CNTN4: variants seen among roughly 807,000 people sequenced by gnomAD.
CNTN4 encodes contactin-4.
CNTN4 carries 77 observed loss-of-function variants against 122.5 expected under a neutral mutation model. The ratio of observed to expected loss-of-function variants is 0.63; its 90% CI spans 0.52 to 0.76. The LOEUF is 0.76. Among genes scored for constraint, CNTN4 ranks in the 30% least tolerant of loss-of-function variants. The probability of loss-of-function intolerance (pLI) is 0.00; values close to 1 mark genes in which losing one functional copy is unlikely to be tolerated. For missense variants in CNTN4, 1,256 were observed against 1,259.1 expected (o/e 1.00, Z 0.04); for synonymous variants, 512 against 447.0 (o/e 1.15, Z -1.83).
chr3:2,953,214 A>T (rs1476056243), intron 13 of CNTN4, among the ~76,000 whole-genome samples: 2 of 152,128 alleles, frequency 1.3e-5, no homozygotes, highest in Non-Finnish European at 2.9e-5. Flanking sequence ...CCACCATTTT[A>T]TGAATGGTGC....
intron 13 of CNTN4, among the ~76,000 whole-genome samples, chr3:2,958,979 A>G (rs2094827440): frequency 6.6e-6 from 1 of 152,228 alleles, no homozygotes; most frequent in Non-Finnish European, 1.5e-5. Context: ...TCCAGGGAAC[A>G]GAAGGGTCAG....
chr3:2,129,152 C>G (rs143385948), intron 2 of CNTN4, among the ~76,000 whole-genome samples: 42 of 151,052 alleles, frequency 2.8e-4, no homozygotes, highest in African/African-American at 1.0e-3. Context: ...ATGAAGCTAA[C>G]ATTTCCTGAG....
chr3:3,015,259 G>C (rs1559791284), intron 14 of CNTN4, among the ~76,000 whole-genome samples: 1 of 151,724 alleles, frequency 6.6e-6, no homozygotes, highest in Non-Finnish European at 1.5e-5. Flanking sequence ...TCTATTAATA[G>C]TTGCCCATTC....
intron 7 of CNTN4, among the ~76,000 whole-genome samples, chr3:2,860,375 A>G (rs533264600): frequency 6.6e-6 from 1 of 152,316 alleles, no homozygotes; most frequent in East Asian, 1.9e-4. Context: ...GATATCTGTC[A>G]TCCCTGCTCT....
chr3:2,869,669 C>T lies in CNTN4; in HGVS notation c.652+2720C>T, dbSNP rs184822705. The stretch of plus-strand genomic sequence containing the variant: ...TTCATCTGGTATATTCATATTTGTC[C>T]GCTTGCCTTCCCCACCTTGCTCACA... On this transcript the variant is annotated intron_variant, in intron 8 of 24. Transcript: ENST00000418658. Among the ~76,000 whole-genome samples, 10 of 152,188 alleles carry T rather than the reference C, an allele frequency of 6.6e-5. No individual in the cohort carries two copies. The East Asian group carries it at 1.2e-3, about 18-fold the overall frequency.
intron 3 of CNTN4, among the ~76,000 whole-genome samples, chr3:2,458,261 A>C (rs1036251101): frequency 5.9e-5 from 9 of 152,168 alleles, no homozygotes; most frequent in African/African-American, 2.2e-4. Context: ...ACAATGTATG[A>C]GTCCATTTTT....
At chr3:2,301,737 A>G (rs547870899) in intron 2 of CNTN4, among the ~76,000 whole-genome samples, 1 of 152,346 alleles carries the variant, frequency 6.6e-6, no homozygotes, top group African/African-American at 2.4e-5. Context: ...TGCCCACTCT[A>G]GTAGAGCACT....
At chr3:2,714,152 G>A (rs1401705124) in intron 4 of CNTN4, among the ~76,000 whole-genome samples, 2 of 152,122 alleles carry the variant, frequency 1.3e-5, no homozygotes, top group Non-Finnish European at 2.9e-5. Context: ...GCCAGGCAGT[G>A]TTGGGACTTT....
chr3:2,160,180 G>C (rs2035896801), intron 2 of CNTN4, among the ~76,000 whole-genome samples: 1 of 152,106 alleles, frequency 6.6e-6, no homozygotes, highest in East Asian at 1.9e-4. Flanking sequence ...GTCTCACTGT[G>C]ATCCTTTTAT....
chr3:2,424,679 C>T (rs2047748939), intron 3 of CNTN4, among the ~76,000 whole-genome samples: 1 of 152,178 alleles, frequency 6.6e-6, no homozygotes, highest in Non-Finnish European at 1.5e-5. Context: ...TACAGTCCCA[C>T]CAACAGTGTA....
intron 4 of CNTN4, among the ~76,000 whole-genome samples, chr3:2,600,772 C>G (rs538718765): frequency 6.6e-6 from 1 of 152,300 alleles, no homozygotes; most frequent in Admixed American, 6.5e-5. Flanking sequence ...TGAGGAATCT[C>G]CACACTGTCT....
At chr3:2,497,993 T>A (rs548653277) in intron 3 of CNTN4, among the ~76,000 whole-genome samples, 2 of 152,176 alleles carry the variant, frequency 1.3e-5, no homozygotes, top group South Asian at 2.1e-4. Flanking sequence ...ATTACTAAAA[T>A]TAGAAACAAA....
chr3:2,150,376 T>C (rs1440959273), intron 2 of CNTN4, among the ~76,000 whole-genome samples: 1 of 152,250 alleles, frequency 6.6e-6, no homozygotes, highest in Non-Finnish European at 1.5e-5. Flanking sequence ...CGTAGACTTC[T>C]GCACATTCTT....
At chr3:2,898,092 C>T (rs1223290850) in intron 10 of CNTN4, among the ~76,000 whole-genome samples, 2 of 152,112 alleles carry the variant, frequency 1.3e-5, no homozygotes, top group African/African-American at 2.4e-5. Context: ...AAAACTCACT[C>T]GTTTAGATAT....
At chr3:2,967,709 A>G (rs984311617) in intron 13 of CNTN4, among the ~76,000 whole-genome samples, 1 of 152,182 alleles carries the variant, frequency 6.6e-6, no homozygotes, top group African/African-American at 2.4e-5. Context: ...AAAAAACTAT[A>G]CAACTTACCC....
chr3:3,021,489 T>C (rs906988068), intron 14 of CNTN4, among the ~76,000 whole-genome samples: 1 of 152,164 alleles, frequency 6.6e-6, no homozygotes, highest in African/African-American at 2.4e-5. Flanking sequence ...ATCCCACTTT[T>C]AAATTGTCCC....
chr3:2,418,984 G>A (rs371917671), intron 3 of CNTN4, among the ~76,000 whole-genome samples: 21 of 152,236 alleles, frequency 1.4e-4, no homozygotes, highest in East Asian at 7.7e-4. Flanking sequence ...AAAGATAAAG[G>A]CCTTCCTCAG....
chr3:2,732,285 G>T (rs1276784278), intron 4 of CNTN4, among the ~76,000 whole-genome samples: 1 of 152,104 alleles, frequency 6.6e-6, no homozygotes, highest in Non-Finnish European at 1.5e-5. Flanking sequence ...AGGTTAAAGG[G>T]CAGATTAATG....
intron 6 of CNTN4, among the ~76,000 whole-genome samples, chr3:2,751,927 G>T (rs1037728217): frequency 6.6e-6 from 1 of 152,130 alleles, no homozygotes. Context: ...GTCGTTAATT[G>T]TTCCATTTCA....
Sources: allele counts gnomAD v4.1 joint callset (sites outside exome capture counted in the v4.1 genomes callset), GRCh38; gene constraint gnomAD v4.1.1; transcripts MANE v1.5; gene names NCBI Gene and HGNC (gene_info 2026-07-23, HGNC 2026-07-21).